The following MAGI2 variants were observed in gnomAD, a reference collection of about 807,000 sequenced individuals.
MAGI2 encodes membrane-associated guanylate kinase, WW and PDZ domain-containing protein 2.
A neutral mutation model predicts 133.3 loss-of-function variants in MAGI2; 35 were observed. That is an observed-to-expected ratio of 0.26 (90% CI 0.20 to 0.35). The LOEUF (loss-of-function observed/expected upper bound fraction) is 0.35, where lower values mean the gene tolerates loss of function less well. Ranked by LOEUF, MAGI2 falls within the 10% of genes least tolerant of loss-of-function variation. The pLI is 1.00. For synonymous variants in MAGI2, 729 were observed against 710.6 expected, an observed-to-expected ratio of 1.03 and a Z score of -0.41; for missense variants, 1,636 against 1,863.4, an observed-to-expected ratio of 0.88 and a Z score of 2.25.
At chr7:78,329,434 CTT>C (rs1285673405) in intron 9 of MAGI2, among the ~76,000 whole-genome samples, 2 of 152,198 alleles carry the variant, frequency 1.3e-5, no homozygotes, top group Non-Finnish European at 2.9e-5. Flanking sequence ...TTTCTTGCCT[CTT>C]GTCACTTATA....
At chr7:79,369,067 G>A (rs1266041544) in intron 1 of MAGI2, among the ~76,000 whole-genome samples, 1 of 151,998 alleles carries the variant, frequency 6.6e-6, no homozygotes, top group Non-Finnish European at 1.5e-5. Context: ...ACTTTAGCCA[G>A]GTATAATTCT....
At chr7:79,106,657 T>C (rs1818477850) in intron 1 of MAGI2, among the ~76,000 whole-genome samples, 1 of 152,170 alleles carries the variant, frequency 6.6e-6, no homozygotes, top group Admixed American at 6.5e-5. Flanking sequence ...AATATAGATG[T>C]GAGCACAGGA....
chr7:78,104,272 G>T (rs540843926), intron 20 of MAGI2, among the ~76,000 whole-genome samples: 1 of 152,250 alleles, frequency 6.6e-6, no homozygotes, highest in South Asian at 2.1e-4. Flanking sequence ...ACCCAGGCTG[G>T]ACTGCAGTGG....
At chr7:79,193,687 CA>C (rs996365397) in intron 1 of MAGI2, among the ~76,000 whole-genome samples, 1 of 150,322 alleles carries the variant, frequency 6.7e-6, no homozygotes, top group Admixed American at 6.6e-5. Context: ...TGGAAGAAAG[CA>C]AAAAAAAATT....
chr7:78,713,556 G>T (rs1489293210), intron 2 of MAGI2, among the ~76,000 whole-genome samples: 1 of 152,078 alleles, frequency 6.6e-6, no homozygotes, highest in African/African-American at 2.4e-5. Context: ...TACATCAAAG[G>T]TATTTGCCAA....
intron 6 of MAGI2, among the ~76,000 whole-genome samples, chr7:78,433,455 T>A (rs765296749): frequency 6.6e-6 from 1 of 152,098 alleles, no homozygotes; most frequent in Non-Finnish European, 1.5e-5. Flanking sequence ...CCTCTCAGCC[T>A]GCAAACTTTA....
chr7:79,192,794 G>A (rs756267623), intron 1 of MAGI2, among the ~76,000 whole-genome samples: 1 of 151,818 alleles, frequency 6.6e-6, no homozygotes, highest in Non-Finnish European at 1.5e-5. Flanking sequence ...AAATGGGTAG[G>A]CTTTTAATAG....
intron 1 of MAGI2, among the ~76,000 whole-genome samples, chr7:79,130,833 T>C (rs1287662797): frequency 6.6e-6 from 1 of 152,210 alleles, no homozygotes; most frequent in Admixed American, 6.5e-5. Flanking sequence ...AGAAGTTAAT[T>C]AACCAAGCCA....
intron 1 of MAGI2, among the ~76,000 whole-genome samples, chr7:79,085,779 C>T (rs1032891098): frequency 1.1e-4 from 16 of 151,810 alleles, no homozygotes; most frequent in African/African-American, 3.1e-4. Context: ...GCCTAATTGT[C>T]GGCCAATGCT....
At chr7:79,165,284 A>G (rs961469237) in intron 1 of MAGI2, among the ~76,000 whole-genome samples, 3 of 151,534 alleles carry the variant, frequency 2.0e-5, no homozygotes, top group African/African-American at 7.3e-5. Context: ...AGGCAAAACC[A>G]CCGCTTTTTA....
At chr7:78,874,736 C>T (rs1444671489) in intron 2 of MAGI2, among the ~76,000 whole-genome samples, 1 of 152,076 alleles carries the variant, frequency 6.6e-6, no homozygotes, top group African/African-American at 2.4e-5. Context: ...AGGGAGAATA[C>T]AGTTAACAAT....
intron 2 of MAGI2, among the ~76,000 whole-genome samples, chr7:78,794,006 T>C (rs1469140942): frequency 2.0e-5 from 3 of 152,192 alleles, no homozygotes; most frequent in Non-Finnish European, 2.9e-5. Context: ...ATTACAACAA[T>C]TGTGACCTAT....
At chr7:79,191,701 A>G (rs551801071) in intron 1 of MAGI2, among the ~76,000 whole-genome samples, 1 of 151,810 alleles carries the variant, frequency 6.6e-6, no homozygotes, top group Non-Finnish European at 1.5e-5. Flanking sequence ...GTGGTTACCT[A>G]TTAGTTCTCA....
At chr7:79,197,092 T>A (rs1828154638) in intron 1 of MAGI2, among the ~76,000 whole-genome samples, 1 of 151,830 alleles carries the variant, frequency 6.6e-6, no homozygotes, top group Non-Finnish European at 1.5e-5. Context: ...AGAAGTTTGT[T>A]TTTTACATCA....
chr7:78,673,272 G>A (rs1186037123), intron 2 of MAGI2, among the ~76,000 whole-genome samples: 1 of 151,756 alleles, frequency 6.6e-6, no homozygotes, highest in African/African-American at 2.4e-5. Flanking sequence ...GAATATATGT[G>A]TGTGTATATT....
chr7:78,240,922 T>C (rs1289024964), intron 10 of MAGI2, among the ~76,000 whole-genome samples: 1 of 152,088 alleles, frequency 6.6e-6, no homozygotes, highest in Admixed American at 6.6e-5. Context: ...ATTTTAAAAA[T>C]AAATTTGGAA....
At chr7:78,262,795 G>A (rs1793636483) in intron 9 of MAGI2, among the ~76,000 whole-genome samples, 2 of 152,100 alleles carry the variant, frequency 1.3e-5, no homozygotes, top group Admixed American at 6.6e-5. Context: ...TTAGATTCTA[G>A]CTCTTGGATA....
chr7:78,286,218 C>G (rs1174585304), intron 9 of MAGI2, among the ~76,000 whole-genome samples: 1 of 152,086 alleles, frequency 6.6e-6, no homozygotes, highest in Non-Finnish European at 1.5e-5. Context: ...CCCTCCCTCT[C>G]TCTATTCCTC....
chr7:78,586,114 G>A (rs946755027), intron 3 of MAGI2, among the ~76,000 whole-genome samples: 3 of 152,194 alleles, frequency 2.0e-5, no homozygotes, highest in Non-Finnish European at 4.4e-5. Context: ...TACCTGATTA[G>A]CAAAATGGGA....
Sources: allele counts gnomAD v4.1 joint callset (sites outside exome capture counted in the v4.1 genomes callset), GRCh38; gene constraint gnomAD v4.1.1; transcripts MANE v1.5; gene names NCBI Gene and HGNC (gene_info 2026-07-23, HGNC 2026-07-21).